SPAG16: variants seen among roughly 807,000 people sequenced by gnomAD.
SPAG16 encodes sperm-associated antigen 16 protein.
Under a neutral mutation model 80.4 loss-of-function variants are expected in SPAG16, and 86 were observed. The observed-to-expected ratio is 1.07, with a 90% CI of 0.90 to 1.28. The LOEUF (loss-of-function observed/expected upper bound fraction) is 1.28, where lower values mean the gene tolerates loss of function less well. Ranked by LOEUF, SPAG16 falls within the 50% of genes most tolerant of loss-of-function variation. The probability of loss-of-function intolerance (pLI) is 0.00; values close to 1 mark genes in which losing one functional copy is unlikely to be tolerated. For synonymous variants in SPAG16, 294 were observed against 265.9 expected (o/e 1.11, Z -1.03); for missense variants, 870 against 765.3 (o/e 1.14, Z -1.61).
intron 10 of SPAG16, among the ~76,000 whole-genome samples, chr2:213,806,253 G>C (rs968500854): frequency 2.2e-4 from 34 of 152,140 alleles, no homozygotes; most frequent in East Asian, 5.8e-4. Context: ...TTTTAGAATT[G>C]CTTAGTGAGG....
In SPAG16 at chr2:213,945,975, G is replaced by A. The variant is rs114598934; in HGVS notation, c.1400+15830G>A. The stretch of plus-strand genomic sequence containing the variant: ...TCACTTTCTTGCAAATATAAATGTA[G>A]CATTGTTATATTTTTACCATATTTT... On this transcript the variant is annotated intron_variant, in intron 12 of 15. Transcript: ENST00000331683. Among the ~76,000 whole-genome samples, 466 of 152,260 alleles carry A rather than the reference G, an allele frequency of 3.1e-3. 1 individual carries two copies. Among genetic ancestry groups the A allele is most frequent in the Admixed American group, 4.9e-3 (75 of 15,298 alleles).
intron 4 of SPAG16, among the ~76,000 whole-genome samples, chr2:213,313,336 A>G (rs1272689201): frequency 6.6e-6 from 1 of 151,952 alleles, no homozygotes; most frequent in Non-Finnish European, 1.5e-5. Flanking sequence ...ATATTTAAGA[A>G]GGTGAAGCCT....
intron 15 of SPAG16, among the ~76,000 whole-genome samples, chr2:214,372,848 C>A (rs1436158618): frequency 6.6e-6 from 1 of 152,168 alleles, no homozygotes; most frequent in Non-Finnish European, 1.5e-5. Flanking sequence ...AAATAAATGC[C>A]ATGACATTCT....
At chr2:214,279,483 C>T (rs947441344) in intron 15 of SPAG16, among the ~76,000 whole-genome samples, 4 of 152,050 alleles carry the variant, frequency 2.6e-5, no homozygotes, top group Admixed American at 6.6e-5. Context: ...AGCCACAACT[C>T]GAGAAAGGAG....
At chr2:213,302,138 T>G (rs1268913803) in intron 3 of SPAG16, among the ~76,000 whole-genome samples, 2 of 152,176 alleles carry the variant, frequency 1.3e-5, no homozygotes, top group Non-Finnish European at 2.9e-5. Context: ...TTGTTTGTCC[T>G]CAACAGATTT....
At chr2:214,084,323 AC>A in intron 13 of SPAG16, among the ~76,000 whole-genome samples, 1 of 152,106 alleles carries the variant, frequency 6.6e-6, no homozygotes, top group Admixed American at 6.5e-5. Flanking sequence ...GGAACTAAAA[AC>A]AAAATCCTCA....
At chr2:213,987,419 C>T (rs1053629742) in intron 12 of SPAG16, among the ~76,000 whole-genome samples, 5 of 152,120 alleles carry the variant, frequency 3.3e-5, no homozygotes, top group Middle Eastern at 6.8e-3. Context: ...TCCATGCTAC[C>T]TATGCTTTCA....
At chr2:214,123,761 G>C (rs2054338101) in intron 14 of SPAG16, among the ~76,000 whole-genome samples, 1 of 151,954 alleles carries the variant, frequency 6.6e-6, no homozygotes, top group Non-Finnish European at 1.5e-5. Flanking sequence ...AATCCTAAAA[G>C]TTCTGAAGGA....
At chr2:213,371,288 C>T (rs1201780578) in intron 8 of SPAG16, among the ~76,000 whole-genome samples, 1 of 150,652 alleles carries the variant, frequency 6.6e-6, no homozygotes, top group African/African-American at 2.4e-5. Context: ...GCCTGTAATC[C>T]CAGCTACTTG....
intron 10 of SPAG16, among the ~76,000 whole-genome samples, chr2:213,600,251 C>A (rs2061016684): frequency 6.6e-6 from 1 of 152,146 alleles, no homozygotes; most frequent in Non-Finnish European, 1.5e-5. Context: ...TTTCAAGAAA[C>A]CTAACACATA....
intron 12 of SPAG16, among the ~76,000 whole-genome samples, chr2:213,961,509 T>C (rs1383976982): frequency 6.8e-6 from 1 of 147,326 alleles, no homozygotes; most frequent in African/African-American, 2.5e-5. Flanking sequence ...CTTTCATTAT[T>C]AAATATGTTG....
Position 214,006,509 on chromosome 2 carries a change from T to G in SPAG16, c.1401-7442T>G, listed in dbSNP as rs140852194. Among the ~76,000 whole-genome samples the G allele has an allele frequency of 5.3e-5, 8 of 150,758 alleles. 1 individual carries two copies. The highest frequency in any genetic ancestry group is 1.9e-4 in the African/African-American group (8 of 41,060). On this transcript the variant is annotated intron_variant, in intron 12 of 15. Coordinates refer to ENST00000331683, the MANE Select transcript of SPAG16 (RefSeq NM_024532.5). ...GCAAGGAAAGAGAAAAGAGAGGAGA[T>G]GAAAGGAAATAAAGGAAAACCAAGA...
At chr2:214,181,440 C>A (rs991327894) in intron 15 of SPAG16, among the ~76,000 whole-genome samples, 1 of 151,736 alleles carries the variant, frequency 6.6e-6, no homozygotes, top group Non-Finnish European at 1.5e-5. Context: ...GAGCTTTAGA[C>A]GTAGCTTCCT....
chr2:213,405,835 A>G (rs550953448), intron 9 of SPAG16, among the ~76,000 whole-genome samples: 1 of 152,308 alleles, frequency 6.6e-6, no homozygotes, highest in East Asian at 1.9e-4. Flanking sequence ...CTTTATTCAG[A>G]ATTAAAGTAT....
At chr2:213,517,729 G>A (rs2075489685) in intron 10 of SPAG16, among the ~76,000 whole-genome samples, 1 of 152,194 alleles carries the variant, frequency 6.6e-6, no homozygotes, top group Non-Finnish European at 1.5e-5. Flanking sequence ...AATAAATAGT[G>A]CTGGGACAAT....
intron 15 of SPAG16, among the ~76,000 whole-genome samples, chr2:214,224,626 A>G (rs2058658417): frequency 6.6e-6 from 1 of 152,150 alleles, no homozygotes; most frequent in Non-Finnish European, 1.5e-5. Flanking sequence ...CCCTAAGAAC[A>G]CAGCTGTGTT....
At chr2:213,738,940 A>G (rs189508717) in intron 10 of SPAG16, among the ~76,000 whole-genome samples, 4 of 152,312 alleles carry the variant, frequency 2.6e-5, no homozygotes, top group South Asian at 2.1e-4. Flanking sequence ...ACAGAGAGTG[A>G]CTGTTCTGCT....
At chr2:214,133,323 T>C (rs1255631869) in intron 14 of SPAG16, among the ~76,000 whole-genome samples, 1 of 151,894 alleles carries the variant, frequency 6.6e-6, no homozygotes, top group Non-Finnish European at 1.5e-5. Context: ...TTGCCAGAAG[T>C]CCTCTGGGAA....
chr2:213,759,529 A>G (rs918127141), intron 10 of SPAG16, among the ~76,000 whole-genome samples: 1 of 152,068 alleles, frequency 6.6e-6, no homozygotes, highest in Admixed American at 6.6e-5. Flanking sequence ...CCGAGTTTTT[A>G]TATATTATTG....
Sources: allele counts gnomAD v4.1 joint callset (sites outside exome capture counted in the v4.1 genomes callset), GRCh38; gene constraint gnomAD v4.1.1; transcripts MANE v1.5; gene names NCBI Gene and HGNC (gene_info 2026-07-23, HGNC 2026-07-21).